SUCO: variants seen among roughly 807,000 people sequenced by gnomAD.
The protein encoded by SUCO is SUN domain containing ossification factor.
In SUCO, 57 loss-of-function variants were observed where a neutral mutation model predicts 148.1. The ratio of observed to expected loss-of-function variants is 0.38; its 90% confidence interval spans 0.31 to 0.48. The LOEUF (loss-of-function observed/expected upper bound fraction) is 0.48. Ranked by LOEUF, SUCO falls within the 20% of genes least tolerant of loss-of-function variation. The probability of loss-of-function intolerance (pLI) is 0.96; values close to 1 mark genes in which losing one functional copy is unlikely to be tolerated. For missense variants in SUCO, 1,331 were observed against 1,468.2 expected (o/e 0.91, Z 1.53); for synonymous variants, 470 against 502.7 (o/e 0.93, Z 0.87).
chr1:172,578,212 A>G, intron 13 of SUCO, 86 bp from the exon 14 acceptor site: 2 of 1,052,334 alleles, frequency 1.9e-6, no homozygotes, highest in Non-Finnish European at 1.5e-6. Context: ...AATATGACCA[A>G]AGTTGATGTT....
intron 6 of SUCO, among the ~76,000 whole-genome samples, chr1:172,560,577 C>T (rs565021252): frequency 4.6e-5 from 7 of 152,282 alleles, no homozygotes; most frequent in African/African-American, 1.7e-4. Flanking sequence ...TTAGGGTTCA[C>T]TTTAAGCAAA....
At chr1:172,557,158 A>G (rs1558180714) in intron 4 of SUCO, 122 bp from the exon 5 acceptor site, 8 of 1,412,660 alleles carry the variant, frequency 5.7e-6, no homozygotes, top group South Asian at 3.3e-5. Context: ...TTGACTTTAC[A>G]TGATTTAAAA....
chr1:172,568,337 T>C (rs1654705286), intron 6 of SUCO: 1 of 826,512 alleles, frequency 1.2e-6, no homozygotes, highest in Admixed American at 6.4e-5. Flanking sequence ...TTTGATTTGC[T>C]GATACTCTTT....
chr1:172,581,945 A>G (rs1012583768), intron 15 of SUCO, among the ~76,000 whole-genome samples: 11 of 152,204 alleles, frequency 7.2e-5, no homozygotes, highest in African/African-American at 2.7e-4. Context: ...GTTATCTTAG[A>G]GCAGCATTCT....
Position 172,578,329 on chromosome 1 carries a change from G to C in SUCO, c.1372G>C (p.Glu458Gln). Residue 458 changes from glutamate to glutamine, a missense_variant, in exon 14 of 24, where the codon GAA becomes CAA. This residue lies in a region of SUCO where 992 missense variants were observed against 1,093.5 expected (regional missense o/e 0.91). Transcript: ENST00000263688. ...VFGTSMVEEY[E>Q]EIADSQYHSE... ...TGGCACTAGCATGGTGGAAGAATATGAAGAAATTGCTGATTCCCAGTATCA... is the reference window on the plus strand; with the variant it reads ...TGGCACTAGCATGGTGGAAGAATATCAAGAAATTGCTGATTCCCAGTATCA... The C allele has an allele frequency of 6.2e-7, 1 of 1,612,520 alleles. No homozygotes were observed. The highest frequency in any genetic ancestry group is 8.5e-7 in the Non-Finnish European group (1 of 1,178,758).
At chr1:172,607,161 C>G (rs1023304234) in intron 22 of SUCO, among the ~76,000 whole-genome samples, 3 of 151,770 alleles carry the variant, frequency 2.0e-5, no homozygotes, top group Non-Finnish European at 2.9e-5. Flanking sequence ...TGAGTCTGTT[C>G]ATTGTCTTTG....
intron 15 of SUCO, among the ~76,000 whole-genome samples, chr1:172,584,617 C>G (rs1187766722): frequency 6.6e-6 from 1 of 151,862 alleles, no homozygotes; most frequent in East Asian, 1.9e-4. Flanking sequence ...TACTAAAATA[C>G]AAAAAATTAG....
upstream of SUCO, chr1:172,532,968 G>A: frequency 7.3e-7 from 1 of 1,364,322 alleles, no homozygotes. Flanking sequence ...CGAAGGGGGC[G>A]TGGCCTGCGC....
At chr1:172,575,481 A>G (rs997669816) in intron 10 of SUCO, 37 bp from the exon 11 acceptor site, 1 of 1,450,786 alleles carries the variant, frequency 6.9e-7, no homozygotes. Context: ...TGTGGTTTAT[A>G]ATTTTTAAAA....
In SUCO at chr1:172,610,154, A is replaced by T; in HGVS notation, c.3660A>T (p.Ile1220=). 6.2e-7 allele frequency: 1 copy of T among 1,613,674 alleles called. No individual in the cohort carries two copies. The stretch of plus-strand genomic sequence containing the variant: ...AAGGAAAATTGATAAAAACTCTAAT[A>T]CAGACTAAGTCGGGATCATTGCCGA... ...QDQGKLIKTL[I]QTKSGSLPSL... The change falls in exon 24 of 24, where the codon ATA becomes ATT. Residue 1220 remains isoleucine (I), a synonymous_variant. Transcript: ENST00000263688.
Position 172,533,491 on chromosome 1 carries a change from T to C in SUCO, c.56T>C (p.Leu19Pro). 1 of 1,555,136 alleles carries C rather than the reference T, an allele frequency of 6.4e-7. No homozygotes were observed. The highest frequency in any genetic ancestry group is 8.7e-7 in the Non-Finnish European group (1 of 1,147,392). ...ALVSCLFLCS[L>P]VWLPSWRVCC... ...GTCTCCTGCCTCTTTCTGTGCTCTCTGGTCTGGTGAGTAGCCGCGACGACA... is the reference window on the plus strand; with the variant it reads ...GTCTCCTGCCTCTTTCTGTGCTCTCCGGTCTGGTGAGTAGCCGCGACGACA... The change falls in exon 1 of 24, where the codon CTG becomes CCG. Residue 19 changes from leucine to proline, a missense_variant. This residue lies in a region of SUCO where 992 missense variants were observed against 1,093.5 expected (regional missense o/e 0.91). Transcript: ENST00000263688.
At chr1:172,599,185 C>T (rs980960288) in intron 19 of SUCO, among the ~76,000 whole-genome samples, 6 of 152,054 alleles carry the variant, frequency 3.9e-5, no homozygotes, top group East Asian at 1.9e-4. Context: ...AATAATTAGC[C>T]GGGCATAGTG....
At chr1:172,594,577 T>G (rs1348951820) in intron 19 of SUCO, among the ~76,000 whole-genome samples, 1 of 152,188 alleles carries the variant, frequency 6.6e-6, no homozygotes, top group Non-Finnish European at 1.5e-5. Context: ...AGTTTCCATG[T>G]AGTTGAGCAG....
chr1:172,602,809 A>T lies in SUCO; in HGVS notation c.3265+22A>T, dbSNP rs759509005. ...GAAGGTAGATTTCTGTGGATATATA[A>T]TATGTATATATAAACATGAAACTAG... On this transcript the variant is annotated intron_variant, in intron 22 of 23. Coordinates refer to ENST00000263688, the MANE Select transcript of SUCO (RefSeq NM_014283.5). 6 of 1,528,320 alleles carry T rather than the reference A, an allele frequency of 3.9e-6. No homozygotes were observed. In the South Asian group the frequency reaches 5.6e-5, roughly 14 times the overall value. 94.7% of individuals were successfully genotyped at this position (1,528,320 alleles called of 1,614,324 possible).
chr1:172,533,516 A>T lies in SUCO; in HGVS notation c.62+19A>T. ...TGGTCTGGTGAGTAGCCGCGACGAC[A>T]AGGGAGTTCCCGTGAGGGGAGTAAA... On this transcript the variant is annotated intron_variant, in intron 1 of 23. Coordinates refer to ENST00000263688, the MANE Select transcript of SUCO (RefSeq NM_014283.5). The T allele has an allele frequency of 2.6e-6, 4 of 1,530,426 alleles. No individual in the cohort carries two copies. Among genetic ancestry groups the T allele is most frequent in the Non-Finnish European group, 3.5e-6 (4 of 1,132,642 alleles). The allele number at this position is 1,530,426 out of a possible 1,614,324, so 94.8% of individuals were successfully genotyped here. A position where few individuals can be genotyped will look rare whatever the true frequency, so the allele number is the denominator to read the frequency against.
At chr1:172,573,786 A>G in intron 9 of SUCO, 105 bp from the exon 10 acceptor site, 1 of 636,936 alleles carries the variant, frequency 1.6e-6, no homozygotes, top group Non-Finnish European at 2.7e-6. Flanking sequence ...CATTTTAATG[A>G]GTAACTCTTA....
chr1:172,601,585 CTTG>C (rs1657536026), intron 20 of SUCO, among the ~76,000 whole-genome samples: 3 of 151,450 alleles, frequency 2.0e-5, no homozygotes, highest in Admixed American at 1.3e-4. Context: ...ACAGTGTAAA[CTTG>C]TTGAATTCAG....
At chr1:172,556,125 T>C (rs1653742479) in intron 4 of SUCO, 102 bp downstream of exon 4, 3 of 843,442 alleles carry the variant, frequency 3.6e-6, no homozygotes, top group Non-Finnish European at 5.6e-6. Context: ...GTTTGAAGTT[T>C]AGGCTATATA....
rs768829726 is a variant in SUCO at position 172,609,830 on chromosome 1, G to A, written c.3336G>A (p.Lys1112=). The A allele has an allele frequency of 2.5e-6, 4 of 1,597,054 alleles. No homozygotes were observed. The East Asian group carries it at 6.7e-5, about 27-fold the overall frequency. The change falls in exon 24 of 24, where the codon AAG becomes AAA. Residue 1112 remains lysine, a synonymous_variant. Coordinates refer to ENST00000263688, the MANE Select transcript of SUCO (RefSeq NM_014283.5). ...TTGTGTTGTAGAAGAAGCGCTGCAA[G>A]TACAAAATTGAAAAAATTGAGACCA... is the stretch of plus-strand genomic sequence containing the variant. ...FSPEKKKKRC[K]YKIEKIETIK...
Sources: gnomAD v4.1 joint callset for allele counts (sites outside exome capture counted in the v4.1 genomes callset) on GRCh38, gnomAD v4.1.1 for gene constraint, gnomAD v4.1.1 regional missense constraint, MANE v1.5 for transcripts, NCBI Gene and HGNC (gene_info 2026-07-23, HGNC 2026-07-21) for gene names.